Variants in ITGAV observed in about 807,000 individuals in gnomAD.
The protein encoded by ITGAV is integrin subunit alpha V.
In ITGAV, 76 loss-of-function variants were observed where a neutral mutation model predicts 143.8. The ratio of observed to expected loss-of-function variants is 0.53; its 90% CI spans 0.44 to 0.64. ITGAV has a LOEUF of 0.64. Among genes scored for constraint, ITGAV ranks in the 30% least tolerant of loss-of-function variants. The pLI, the probability that ITGAV is intolerant of heterozygous loss-of-function variation, is 0.00. For missense variants in ITGAV, 1,193 were observed against 1,274.7 expected (o/e 0.94, Z 0.98); for synonymous variants, 453 against 446.7 (o/e 1.01, Z -0.18).
At position 186,677,348 on chromosome 2, in the gene ITGAV, T is replaced by C; in HGVS notation, c.*56T>C. 4 of 1,332,362 alleles carry C rather than the reference T, an allele frequency of 3.0e-6. No homozygotes were observed. Among genetic ancestry groups the C allele is most frequent in the South Asian group, 2.5e-5 (2 of 80,222 alleles). 82.5% of individuals were successfully genotyped at this position (1,332,362 alleles called of 1,614,324 possible). ...CCCACTAGAATTAGCAACTTTATTA[T>C]AGATTTAAACTTTCTTCATGAGGAG... On this transcript the variant is annotated 3_prime_UTR_variant, in exon 30 of 30. Coordinates refer to ENST00000261023, the MANE Select transcript of ITGAV (RefSeq NM_002210.5).
At chr2:186,627,043 G>A (rs1329337296) in intron 4 of ITGAV, among the ~76,000 whole-genome samples, 1 of 152,122 alleles carries the variant, frequency 6.6e-6, no homozygotes, top group Non-Finnish European at 1.5e-5. Context: ...ACACACACAC[G>A]CAGTACACTC....
At chr2:186,655,047 CTG>C (rs1312923613) in intron 16 of ITGAV, among the ~76,000 whole-genome samples, 1 of 152,082 alleles carries the variant, frequency 6.6e-6, no homozygotes, top group Non-Finnish European at 1.5e-5. Flanking sequence ...GCTGAGAAGT[CTG>C]TATTTTATGT....
rs1244085138 is a variant in ITGAV, at chr2:186,656,301, G to A, written c.1619G>A (p.Arg540Gln). The A allele has an allele frequency of 1.3e-6, 2 of 1,586,692 alleles. No homozygotes were observed. The highest frequency in any genetic ancestry group is 8.5e-7 in the Non-Finnish European group (1 of 1,170,112). ...CTCAAGCAAAAGGGAGCAATTCGAC[G>A]AGCACTGTTTCTCTACAGCAGGTCC... ...DKLKQKGAIRRALFLYSRSPS... is the reference protein window; with the variant it reads ...DKLKQKGAIRQALFLYSRSPS... The change falls in exon 17 of 30, where the codon CGA (arginine) becomes CAA (glutamine). Residue 540 changes from arginine to glutamine, a missense_variant. Coordinates refer to ENST00000261023, the MANE Select transcript of ITGAV (RefSeq NM_002210.5).
rs747981954 is a variant in ITGAV at position 186,676,810 on chromosome 2, T to C, written c.2929-3T>C. 6.2e-7 allele frequency: 1 copy of C among 1,611,760 alleles called. No homozygotes were observed. The highest frequency in any genetic ancestry group is 8.5e-7 in the Non-Finnish European group (1 of 1,179,362). Reference sequence around the variant, plus strand: ...TAAAACTAAAAGCTTTTTTCCTCGATAGGTTACCACTAATGTCACCTGGGG... The same window carrying C: ...TAAAACTAAAAGCTTTTTTCCTCGACAGGTTACCACTAATGTCACCTGGGG... On this transcript the variant is annotated splice_polypyrimidine_tract_variant and splice_region_variant and intron_variant, in intron 28 of 29. Transcript: ENST00000261023.
chr2:186,655,295 A>T (rs1688551091), intron 16 of ITGAV, among the ~76,000 whole-genome samples: 1 of 152,202 alleles, frequency 6.6e-6, no homozygotes, highest in African/African-American at 2.4e-5. Context: ...AAAGCAGAGA[A>T]GAAACTGAAA....
intron 24 of ITGAV, among the ~76,000 whole-genome samples, chr2:186,668,217 T>TATATATATATATATATATATATA (rs71017335): frequency 1.2e-4 from 1 of 8,208 alleles, no homozygotes; most frequent in Non-Finnish European, 2.4e-4. Flanking sequence ...TATATATATA[T>TATATATATATATATATATATATA]TTTTTTTTTT....
intron 1 of ITGAV, among the ~76,000 whole-genome samples, chr2:186,594,061 C>CT (rs148246964): frequency 6.6e-6 from 1 of 152,062 alleles, no homozygotes; most frequent in East Asian, 1.9e-4. Context: ...GCCTTAGAAG[C>CT]AGAAGGTCCT....
chr2:186,663,643 C>A, intron 18 of ITGAV, 125 bp from the exon 19 acceptor site: 2 of 623,584 alleles, frequency 3.2e-6, no homozygotes, highest in South Asian at 2.4e-5. Flanking sequence ...AACAAACAAG[C>A]TGATGAGTAT....
chr2:186,602,000 T>G (rs1185444396), intron 1 of ITGAV, 21 bp from the exon 2 acceptor site: 1 of 1,600,874 alleles, frequency 6.2e-7, no homozygotes, highest in South Asian at 1.1e-5. Flanking sequence ...TAAACTTTGG[T>G]CTGCCGCTTT....
chr2:186,648,433 C>T (rs1305106419), intron 13 of ITGAV, among the ~76,000 whole-genome samples: 1 of 152,144 alleles, frequency 6.6e-6, no homozygotes, highest in Non-Finnish European at 1.5e-5. Context: ...TGTATTTTAA[C>T]TAACAGTTTG....
At chr2:186,612,731 T>A (rs1359554704) in intron 2 of ITGAV, among the ~76,000 whole-genome samples, 1 of 152,174 alleles carries the variant, frequency 6.6e-6, no homozygotes, top group African/African-American at 2.4e-5. Flanking sequence ...TAAACTAACT[T>A]CCTTTAAGTT....
At chr2:186,603,277 C>A (rs1574461290) in intron 2 of ITGAV, among the ~76,000 whole-genome samples, 2 of 152,200 alleles carry the variant, frequency 1.3e-5, no homozygotes, top group East Asian at 3.9e-4. Flanking sequence ...AAAATTAATC[C>A]TTTTTTCCAT....
rs1476433309 is a variant in ITGAV at position 186,679,797 on chromosome 2, C to T, written c.*2505C>T. 2 of 151,870 alleles carry T rather than the reference C, an allele frequency of 1.3e-5. No homozygotes were observed. The highest frequency in any genetic ancestry group is 2.9e-5 in the Non-Finnish European group (2 of 67,872). 9.4% of individuals were successfully genotyped at this position (151,870 alleles called of 1,614,324 possible). A position where few individuals can be genotyped will look rare whatever the true frequency, so the allele number is the denominator to read the frequency against. On this transcript the variant is annotated 3_prime_UTR_variant, in exon 30 of 30. Transcript: ENST00000261023. Reference sequence around the variant, plus strand: ...TTTTTCTGTTTCTCTTTTCTCTTAACGATTATCACTGTAATTCTGAATCTG... The same window carrying T: ...TTTTTCTGTTTCTCTTTTCTCTTAATGATTATCACTGTAATTCTGAATCTG...
At chr2:186,624,265 C>T (rs1234826344) in intron 3 of ITGAV, among the ~76,000 whole-genome samples, 1 of 152,114 alleles carries the variant, frequency 6.6e-6, no homozygotes, top group East Asian at 1.9e-4. Flanking sequence ...AGAGACTGCT[C>T]CGCCTATTTT....
rs201425751 is a variant in ITGAV, at chr2:186,649,903, C to A, written c.1397+18C>A. The A allele has an allele frequency of 7.9e-6, 12 of 1,511,726 alleles. No homozygotes were observed. The highest frequency in any genetic ancestry group is 1.4e-5 in the African/African-American group (1 of 71,420). The allele number at this position is 1,511,726 out of a possible 1,614,324, so 93.6% of individuals were successfully genotyped here. Reference sequence around the variant, plus strand: ...TTATACAGGTGAGCATTTTCTGTATCCTGCGGTATAGGAATATTCTGAATT... The same window carrying A: ...TTATACAGGTGAGCATTTTCTGTATACTGCGGTATAGGAATATTCTGAATT... On this transcript the variant is annotated intron_variant, in intron 14 of 29. Transcript: ENST00000261023.
rs535422633 is a variant in ITGAV at position 186,601,894 on chromosome 2, T to C, written c.186-127T>C. The C allele has an allele frequency of 4.3e-5, 38 of 879,776 alleles. No individual in the cohort carries two copies. In the East Asian group the frequency reaches 1.0e-3, roughly 24 times the overall value. The allele number at this position is 879,776 out of a possible 1,614,324, so 54.5% of individuals were successfully genotyped here. ...TGAATAATGAAGATTATGCCCTCAG[T>C]GAATAGCAAATGGTTTTAAAAAATA... On this transcript the variant is annotated intron_variant, in intron 1 of 29. Coordinates refer to ENST00000261023, the MANE Select transcript of ITGAV (RefSeq NM_002210.5).
At chr2:186,636,007 C>T in intron 6 of ITGAV, 75 bp from the exon 7 acceptor site, 1 of 1,248,810 alleles carries the variant, frequency 8.0e-7, no homozygotes, top group Admixed American at 2.2e-5. Context: ...TTCCTTCATG[C>T]AGGTACCATA....
intron 1 of ITGAV, among the ~76,000 whole-genome samples, chr2:186,601,813 G>C (rs1686914570): frequency 6.6e-6 from 1 of 152,032 alleles, no homozygotes. Flanking sequence ...GCCTTATAAA[G>C]TTATCAGGAA....
rs1047763266 is a variant in ITGAV, at chr2:186,679,778, T to A, written c.*2486T>A. The A allele has an allele frequency of 3.3e-5, 5 of 152,204 alleles. No individual in the cohort carries two copies. The East Asian group carries it at 7.7e-4, about 23-fold the overall frequency. The allele number at this position is 152,204 out of a possible 1,614,324, so 9.4% of individuals were successfully genotyped here. A position where few individuals can be genotyped will look rare whatever the true frequency, so the allele number is the denominator to read the frequency against. ...AAAAATACATGTGAGTCATTTTTTC[T>A]GTTTCTCTTTTCTCTTAACGATTAT... On this transcript the variant is annotated 3_prime_UTR_variant, in exon 30 of 30. Coordinates refer to ENST00000261023, the MANE Select transcript of ITGAV (RefSeq NM_002210.5).
Sources: allele counts gnomAD v4.1 joint callset (sites outside exome capture counted in the v4.1 genomes callset), GRCh38; gene constraint gnomAD v4.1.1; transcripts MANE v1.5; gene names NCBI Gene and HGNC (gene_info 2026-07-23, HGNC 2026-07-21).